Variants in MKI67 observed in about 807,000 individuals in gnomAD.
The protein encoded by MKI67 is proliferation marker protein Ki-67.
MKI67 carries 152 observed loss-of-function variants against 233.5 expected under a neutral mutation model. The observed-to-expected ratio is 0.65, with a 90% confidence interval of 0.57 to 0.74. The LOEUF (loss-of-function observed/expected upper bound fraction) is 0.74. MKI67 is among the 30% of genes least tolerant of loss of function. The pLI is 0.00. For missense variants in MKI67, 3,940 were observed against 3,885.2 expected, an observed-to-expected ratio of 1.01 and a Z score of -0.37; for synonymous variants, 1,465 against 1,418.5, an observed-to-expected ratio of 1.03 and a Z score of -0.74.
chr10:128,124,983 C>T (rs900640995), intron 2 of MKI67, among the ~76,000 whole-genome samples: 1 of 151,968 alleles, frequency 6.6e-6, no homozygotes, highest in African/African-American at 2.4e-5. Flanking sequence ...AATGACCACA[C>T]GGGAAATGAC....
At position 128,109,007 on chromosome 10, in the gene MKI67, T is replaced by A. The variant is rs1369398654; in HGVS notation, c.2833A>T (p.Met945Leu). 1.9e-6 allele frequency: 3 copies of A among 1,614,228 alleles called. No individual in the cohort carries two copies. The South Asian group carries it at 3.3e-5, about 18-fold the overall frequency. The change falls in exon 13 of 15, where the codon ATG becomes TTG. Residue 945 changes from methionine to leucine, a missense_variant. Transcript: ENST00000368654. ...GTTCTTGATCTCTTCATTGCTTTCA[T>A]CTTTTCATCGTTTTCTTTTAATTCA... ...NIELKENDEK[M>L]KAMKRSRTWG...
intron 2 of MKI67, among the ~76,000 whole-genome samples, 198 bp from the exon 3 acceptor site, chr10:128,123,367 G>A (rs1051810115): frequency 1.3e-5 from 2 of 152,100 alleles, no homozygotes; most frequent in African/African-American, 4.8e-5. Flanking sequence ...GTAACTATTA[G>A]ATCTTTAAAA....
Position 128,108,643 on chromosome 10 carries a change from C to T in MKI67, c.3197G>A (p.Arg1066Lys). Residue 1066 changes from arginine to lysine, a missense_variant, in exon 13 of 15, where the codon AGA (arginine) becomes AAA (lysine). Physicochemically the swap from Arg to Lys is conservative, Grantham distance 26 (BLOSUM62 2). Transcript: ENST00000368654. ...REPAGDGKSI[R>K]TFKESPKQIL... ...CTGCTTTGGAGACTCCTTAAACGTT[C>T]TGATGCTCTTGCCATCTCCTGCTGG... The T allele has an allele frequency of 6.2e-7, 1 of 1,614,116 alleles. No individual in the cohort carries two copies. Among genetic ancestry groups the T allele is most frequent in the Non-Finnish European group, 8.5e-7 (1 of 1,180,014 alleles).
rs138983955 is a variant in MKI67, at chr10:128,108,699, C to T, written c.3141G>A (p.Thr1047=). The T allele has an allele frequency of 3.5e-5, 56 of 1,614,198 alleles. No homozygotes were observed. Among genetic ancestry groups the T allele is most frequent in the African/African-American group, 1.1e-4 (8 of 75,056 alleles). ...TGTGCGTGTGCGTGGTCTCCCCTGACGTCCGTGTGAACTTGCCGACTGCTA... is the reference window on the plus strand; with the variant it reads ...TGTGCGTGTGCGTGGTCTCCCCTGATGTCCGTGTGAACTTGCCGACTGCTA... ...ELLAVGKFTR[T]SGETTHTHRE... Residue 1047 remains threonine, a synonymous_variant, in exon 13 of 15, where the codon ACG becomes ACA. Transcript: ENST00000368654.
chr10:128,113,044 C>A (rs1022797260), intron 8 of MKI67, among the ~76,000 whole-genome samples: 16 of 152,168 alleles, frequency 1.1e-4, no homozygotes, highest in African/African-American at 3.9e-4. Flanking sequence ...TTAACTATAG[C>A]CTTGTAACTC....
In MKI67 at chr10:128,104,715, T is replaced by G. The variant is rs747481200; in HGVS notation, c.7125A>C (p.Ala2375=). 4 of 1,614,026 alleles carry G rather than the reference T, an allele frequency of 2.5e-6. No individual in the cohort carries two copies. The highest frequency in any genetic ancestry group is 1.6e-4 in the Middle Eastern group (1 of 6,062). ...CTGCTGATGGTGTTCGTTTCCTGAG[T>G]GCTAAAAATTCTTCCTCTACGTCTG... ...RKADVEEEFL[A]LRKRTPSAGK... Residue 2375 remains alanine, a synonymous_variant, in exon 13 of 15, where the codon GCA becomes GCC. Coordinates refer to ENST00000368654, the MANE Select transcript of MKI67 (RefSeq NM_002417.5).
intron 6 of MKI67, 119 bp from the exon 7 acceptor site, chr10:128,116,126 C>A: frequency 8.3e-7 from 1 of 1,203,846 alleles, no homozygotes; most frequent in Non-Finnish European, 1.1e-6. Context: ...TTTACTTGGC[C>A]TACAAATTAT....
In MKI67 at chr10:128,107,414, T is replaced by C. The variant is rs1852531688; in HGVS notation, c.4426A>G (p.Thr1476Ala). Residue 1476 changes from threonine to alanine, a missense_variant, in exon 13 of 15, where the codon ACA (threonine) becomes GCA (alanine). Coordinates refer to ENST00000368654, the MANE Select transcript of MKI67 (RefSeq NM_002417.5). ...DLAGLKELFQ[T>A]PVCTDKPTTH... ...GTGGGCTTGTCAGTGCATACTGGTG[T>C]CTGGAAGAGCTCTTTCAAGCCAGCC... 1 of 1,614,072 alleles carries C rather than the reference T, an allele frequency of 6.2e-7. No individual in the cohort carries two copies. Among genetic ancestry groups the C allele is most frequent in the Non-Finnish European group, 8.5e-7 (1 of 1,180,012 alleles).
At chr10:128,102,058 C>A (rs1223100117) in intron 13 of MKI67, among the ~76,000 whole-genome samples, 1 of 152,142 alleles carries the variant, frequency 6.6e-6, no homozygotes, top group African/African-American at 2.4e-5. Context: ...TTCCTTTAAC[C>A]ATCACTGCTA....
chr10:128,104,184 C>T lies in MKI67; in HGVS notation c.7656G>A (p.Lys2552=), dbSNP rs577368554. The change falls in exon 13 of 15, where the codon AAG becomes AAA. Residue 2552 remains lysine (K), a synonymous_variant. Transcript: ENST00000368654. ...CAACCAGGTCTTCTAGAGCACGGGC[C>T]TTTTCCTTACGAGTTCTCAGCTGCC... ...SRRQLRTRKE[K]ARALEDLVDF... 157 of 1,613,876 alleles carry T rather than the reference C, an allele frequency of 9.7e-5. 2 individuals are homozygous for T. In the South Asian group the frequency reaches 1.7e-3, roughly 17 times the overall value.
At position 128,109,307 on chromosome 10, in the gene MKI67, G is replaced by C. The variant is rs763146082; in HGVS notation, c.2533C>G (p.Pro845Ala). 1 of 1,614,140 alleles carries C rather than the reference G, an allele frequency of 6.2e-7. No homozygotes were observed. Among genetic ancestry groups the C allele is most frequent in the Non-Finnish European group, 8.5e-7 (1 of 1,180,036 alleles). ...IRENGNVAKT[P>A]RNTYKMTSLE... ...GAAGTCATTTTGTAGGTGTTCCTGG[G>C]CGTTTTTGCTACGTTTCCATTTTCT... The change falls in exon 13 of 15, where the codon CCC becomes GCC. Residue 845 changes from proline to alanine, a missense_variant. Coordinates refer to ENST00000368654, the MANE Select transcript of MKI67 (RefSeq NM_002417.5).
In MKI67 at chr10:128,102,954, A is replaced by T. The variant is rs1271019457; in HGVS notation, c.8886T>A (p.Val2962=). The T allele has an allele frequency of 6.2e-7, 1 of 1,614,196 alleles. No homozygotes were observed. The highest frequency in any genetic ancestry group is 1.1e-5 in the South Asian group (1 of 91,084). ...SGKPLKISRR[V]LRAPKVEPVG... is the part of the protein sequence containing the mutation. The stretch of plus-strand genomic sequence containing the variant: ...CGGGTTCTACTTTAGGGGCCCGAAG[A>T]ACTCTTCTGGATATTTTTAGAGGTT... Residue 2962 remains valine (V), a synonymous_variant, in exon 13 of 15, where the codon GTT becomes GTA. Transcript: ENST00000368654.
At position 128,108,602 on chromosome 10, in the gene MKI67, C is replaced by G. The variant is rs374578167; in HGVS notation, c.3238G>C (p.Ala1080Pro). The part of the protein sequence containing the change: ...ESPKQILDPA[A>P]RVTGMKKWPR... ...CACTTCTTCATTCCAGTTACACGGG[C>G]TGCTGGGTCCAGGATCTGCTTTGGA... Residue 1080 changes from alanine to proline, a missense_variant, in exon 13 of 15, where the codon GCC becomes CCC. By Grantham distance (27) the Ala-to-Pro change is conservative (BLOSUM62 -1). Coordinates refer to ENST00000368654, the MANE Select transcript of MKI67 (RefSeq NM_002417.5). 33 of 1,614,076 alleles carry G rather than the reference C, an allele frequency of 2.0e-5. No individual in the cohort carries two copies. The highest frequency in any genetic ancestry group is 3.3e-4 in the Middle Eastern group (2 of 6,084).
Position 128,105,560 on chromosome 10 carries a change from T to G in MKI67, c.6280A>C (p.Thr2094Pro). Residue 2094 changes from threonine (T) to proline (P), a missense_variant, in exon 13 of 15, where the codon ACT becomes CCT. Thr to Pro is a conservative substitution (Grantham distance 38). Coordinates refer to ENST00000368654, the MANE Select transcript of MKI67 (RefSeq NM_002417.5). ...QTPDHTEEST[T>P]DDKTTKIACK... ...GCTATTTTGGTAGTTTTGTCATCAGTTGTTGATTCCTCAGTGTGGTCTGGT... is the reference window on the plus strand; with the variant it reads ...GCTATTTTGGTAGTTTTGTCATCAGGTGTTGATTCCTCAGTGTGGTCTGGT... 1.2e-6 allele frequency: 2 copies of G among 1,613,980 alleles called. No homozygotes were observed. Among genetic ancestry groups the G allele is most frequent in the Non-Finnish European group, 1.7e-6 (2 of 1,179,974 alleles).
intron 6 of MKI67, 64 bp downstream of exon 6, chr10:128,116,427 G>T: frequency 2.8e-6 from 4 of 1,435,140 alleles, no homozygotes; most frequent in Non-Finnish European, 3.9e-6. Context: ...CCCCTTCTTT[G>T]CCAATATGCT....
Position 128,115,291 on chromosome 10 carries a change from C to T in MKI67, c.1117G>A (p.Glu373Lys), listed in dbSNP as rs2136145282. 1 of 1,614,022 alleles carries T rather than the reference C, an allele frequency of 6.2e-7. No individual in the cohort carries two copies. Among genetic ancestry groups the T allele is most frequent in the South Asian group, 1.1e-5 (1 of 91,074 alleles). Reference sequence around the variant, plus strand: ...TCACTTTTACCCAGATTCACAGATTCTCTTCTACCAGTAGTATACAGGTCT... The same window carrying T: ...TCACTTTTACCCAGATTCACAGATTTTCTTCTACCAGTAGTATACAGGTCT... Reference protein sequence around the residue: ...NKDLYTTGRRESVNLGKSEGF... With the variant: ...NKDLYTTGRRKSVNLGKSEGF... The change falls in exon 7 of 15, where the codon GAA (glutamate) becomes AAA (lysine). Residue 373 changes from glutamate (E) to lysine (K), a missense_variant. Transcript: ENST00000368654.
At chr10:128,121,404 ATT>A (rs1319624547) in intron 4 of MKI67, among the ~76,000 whole-genome samples, 10 of 142,618 alleles carry the variant, frequency 7.0e-5, no homozygotes, top group South Asian at 4.2e-4. Context: ...TTGTATATAT[ATT>A]GTATATGTAT....
chr10:128,100,812 A>C (rs1217396800), intron 14 of MKI67, among the ~76,000 whole-genome samples: 1 of 152,234 alleles, frequency 6.6e-6, no homozygotes, highest in Non-Finnish European at 1.5e-5. Flanking sequence ...TGTCTCAGGG[A>C]CATCCCAACT....
At chr10:128,119,153 C>T (rs1464884745) in intron 5 of MKI67, 100 bp downstream of exon 5, 3 of 847,822 alleles carry the variant, frequency 3.5e-6, no homozygotes, top group South Asian at 1.5e-5. Flanking sequence ...CAGTAACCAC[C>T]CTCTTTGTAA....
Sources: gnomAD v4.1 joint callset for allele counts (sites outside exome capture counted in the v4.1 genomes callset) on GRCh38, gnomAD v4.1.1 for gene constraint, MANE v1.5 for transcripts, NCBI Gene and HGNC (gene_info 2026-07-23, HGNC 2026-07-21) for gene names.